SNX31: variants seen among roughly 807,000 people sequenced by gnomAD.
SNX31 encodes sorting nexin-31.
In SNX31, 58 loss-of-function variants were observed where a neutral mutation model predicts 65.4. The ratio of observed to expected loss-of-function variants is 0.89; its 90% confidence interval spans 0.72 to 1.10. The LOEUF (loss-of-function observed/expected upper bound fraction) is 1.10, where lower values mean the gene tolerates loss of function less well. Ranked by LOEUF, SNX31 falls within the 50% of genes least tolerant of loss-of-function variation. The pLI, the probability that SNX31 is intolerant of heterozygous loss-of-function variation, is 0.00. For synonymous variants in SNX31, 181 were observed against 190.1 expected (o/e 0.95, Z 0.39); for missense variants, 523 against 529.7 (o/e 0.99, Z 0.12).
At chr8:100,590,244 G>T (rs1254289610) in intron 10 of SNX31, among the ~76,000 whole-genome samples, 28 of 152,194 alleles carry the variant, frequency 1.8e-4, no homozygotes, top group Admixed American at 1.8e-3. Context: ...AAAGAAAAAA[G>T]ATATTTTTCC....
intron 8 of SNX31, among the ~76,000 whole-genome samples, chr8:100,602,524 C>T (rs1277347647): frequency 6.6e-6 from 1 of 152,148 alleles, no homozygotes; most frequent in Non-Finnish European, 1.5e-5. Context: ...ATATACATAC[C>T]TATGATAAAG....
At position 100,613,162 on chromosome 8, in the gene SNX31, G is replaced by A; in HGVS notation, c.433-77C>T. On this transcript the variant is annotated intron_variant, in intron 5 of 13. Transcript: ENST00000311812. This position sits in a 1 kb window ranked among gnomAD's most constrained non-coding sequence, Gnocchi z 5.2. Reference sequence around the variant, plus strand: ...ATCCTAACTGTGACATGCAGACTTGGAAATGGCCGGTACACATCAATAAAA... The same window carrying A: ...ATCCTAACTGTGACATGCAGACTTGAAAATGGCCGGTACACATCAATAAAA... 1.8e-6 allele frequency: 2 copies of A among 1,117,676 alleles called. No individual in the cohort carries two copies. Among genetic ancestry groups the A allele is most frequent in the East Asian group, 2.4e-5 (1 of 41,970 alleles). The allele number at this position is 1,117,676 out of a possible 1,614,324, so 69.2% of individuals were successfully genotyped here.
chr8:100,653,380 C>T (rs557294142), upstream of SNX31, among the ~76,000 whole-genome samples: 6 of 152,306 alleles, frequency 3.9e-5, no homozygotes, highest in East Asian at 9.6e-4. Context: ...GAAATAGGGT[C>T]TTGGCAGACA....
chr8:100,585,227 T>C (rs1463644358), intron 11 of SNX31, among the ~76,000 whole-genome samples: 1 of 152,214 alleles, frequency 6.6e-6, no homozygotes, highest in Non-Finnish European at 1.5e-5. Context: ...CATTTGCTCC[T>C]TTCCCACTTA....
intron 11 of SNX31, 69 bp from the exon 12 acceptor site, chr8:100,584,257 AC>A: frequency 7.8e-7 from 1 of 1,288,794 alleles, no homozygotes; most frequent in Non-Finnish European, 1.1e-6. Context: ...CCCTCCTCAC[AC>A]CACAAAGCGG....
At chr8:100,651,935 G>A (rs190264109), upstream of SNX31, among the ~76,000 whole-genome samples, 1 of 152,226 alleles carries the variant, frequency 6.6e-6, no homozygotes, top group Admixed American at 6.5e-5. Flanking sequence ...GGGTGCCTGG[G>A]GAAATCTGTA....
chr8:100,659,067 C>T (rs542767076), intron 1 of SNX31, among the ~76,000 whole-genome samples: 22 of 152,112 alleles, frequency 1.4e-4, no homozygotes, highest in Non-Finnish European at 2.2e-4. Context: ...GGGGGCTGGC[C>T]GGGCACAGGG....
intron 3 of SNX31, among the ~76,000 whole-genome samples, chr8:100,635,222 T>TTTTATTTATTTATTTATTTATTTATTTA (rs140014187): frequency 0.054 from 8,012 of 149,624 alleles, 267 homozygotes; most frequent in South Asian, 0.11. Context: ...ACCTCATCTC[T>TTTTATTTATTTATTTATTTATTTATTTA]TTTATTTATT....
At position 100,612,993 on chromosome 8, in the gene SNX31, A is replaced by G. The variant is rs779914770; in HGVS notation, c.523+2T>C. On this transcript the variant is annotated splice_donor_variant, in intron 6 of 13. Coordinates refer to ENST00000311812, the MANE Select transcript of SNX31 (RefSeq NM_152628.4). LOFTEE classifies it high-confidence loss of function. The surrounding 1 kb of genome is among the most constrained non-coding windows in gnomAD (Gnocchi z 4.3). Reference sequence around the variant, plus strand: ...CTGATTCATTTGTTCCTTCCTTCTTACCAGAGAGCTTGCCCTCCTTGCCAA... The same window carrying G: ...CTGATTCATTTGTTCCTTCCTTCTTGCCAGAGAGCTTGCCCTCCTTGCCAA... 6 of 1,613,352 alleles carry G rather than the reference A, an allele frequency of 3.7e-6. No homozygotes were observed. The highest frequency in any genetic ancestry group is 1.1e-5 in the South Asian group (1 of 91,066).
In SNX31 at chr8:100,629,346, C is replaced by T. The variant is rs182885533; in HGVS notation, c.321+981G>A. ...GGCTATTTGAATTTTACTATCATCA[C>T]CACTTCCACAGCAAACTTTTCAAAG... On this transcript the variant is annotated intron_variant, in intron 4 of 13. Transcript: ENST00000311812. This position sits in a 1 kb window ranked among gnomAD's most constrained non-coding sequence, Gnocchi z 5.1. 1.5e-3 allele frequency among the ~76,000 whole-genome samples: 233 copies of T among 152,262 alleles called. 1 individual carries two copies. The Middle Eastern group carries it at 0.027, about 18-fold the overall frequency.
At chr8:100,645,936 AATG>A (rs1819603821) in intron 2 of SNX31, among the ~76,000 whole-genome samples, 2 of 152,036 alleles carry the variant, frequency 1.3e-5, no homozygotes, top group Admixed American at 6.6e-5. Flanking sequence ...ATAAAATGAG[AATG>A]ATGATGATGA....
intron 1 of SNX31, among the ~76,000 whole-genome samples, chr8:100,659,346 T>G (rs1288913755): frequency 3.1e-5 from 2 of 65,402 alleles, no homozygotes; most frequent in Non-Finnish European, 5.2e-5. Flanking sequence ...AGAGCAAAAC[T>G]CCATCACAAA....
intron 2 of SNX31, among the ~76,000 whole-genome samples, chr8:100,645,606 ATTTTT>A (rs10598981): frequency 5.6e-5 from 6 of 106,714 alleles, no homozygotes; most frequent in African/African-American, 1.2e-4. Flanking sequence ...CAGACTCTTC[ATTTTT>A]TTTTTTTTTT....
intron 8 of SNX31, among the ~76,000 whole-genome samples, chr8:100,605,152 GC>G (rs149775820): frequency 0.082 from 12,408 of 152,128 alleles, 1,633 homozygotes; most frequent in African/African-American, 0.27. Context: ...ACCTGCCTTG[GC>G]CTCTCAAAGT....
chr8:100,624,887 A>C (rs1341002478), intron 4 of SNX31, among the ~76,000 whole-genome samples: 2 of 152,004 alleles, frequency 1.3e-5, no homozygotes, highest in Non-Finnish European at 2.9e-5. Context: ...CCGTAGCCTC[A>C]AAGCTCTGGG....
intron 13 of SNX31, among the ~76,000 whole-genome samples, chr8:100,574,338 A>G (rs975779963): frequency 1.3e-5 from 2 of 152,216 alleles, no homozygotes; most frequent in African/African-American, 4.8e-5. Flanking sequence ...CAAACTTTAA[A>G]AAAGAGGCTG....
In SNX31 at chr8:100,612,935, C is replaced by T. The variant is rs907987625; in HGVS notation, c.523+60G>A. The stretch of plus-strand genomic sequence containing the variant: ...GCCCCTCAGCTGTGACTCCTATGAG[C>T]CCCTGCTCACACCTGTCCACCCCAT... On this transcript the variant is annotated intron_variant, in intron 6 of 13. Coordinates refer to ENST00000311812, the MANE Select transcript of SNX31 (RefSeq NM_152628.4). The surrounding 1 kb of genome is among the most constrained non-coding windows in gnomAD (Gnocchi z 4.3). 55 of 1,440,502 alleles carry T rather than the reference C, an allele frequency of 3.8e-5. No homozygotes were observed. Among genetic ancestry groups the T allele is most frequent in the Non-Finnish European group, 4.5e-5 (46 of 1,022,594 alleles). 89.2% of individuals were successfully genotyped at this position (1,440,502 alleles called of 1,614,324 possible). A position where few individuals can be genotyped will look rare whatever the true frequency, so the allele number is the denominator to read the frequency against.
chr8:100,651,295 G>A (rs1394094764), upstream of SNX31, among the ~76,000 whole-genome samples: 2 of 152,200 alleles, frequency 1.3e-5, no homozygotes, highest in Non-Finnish European at 2.9e-5. Context: ...ACCAAGGCCA[G>A]GGGTATTCCT....
At chr8:100,621,159 A>G (rs1416952037) in intron 4 of SNX31, among the ~76,000 whole-genome samples, 2 of 152,032 alleles carry the variant, frequency 1.3e-5, no homozygotes, top group Non-Finnish European at 2.9e-5. Flanking sequence ...AACAAAAACC[A>G]AAAAATAACT....
Sources: allele counts gnomAD v4.1 joint callset (sites outside exome capture counted in the v4.1 genomes callset), GRCh38; gene constraint gnomAD v4.1.1; non-coding constraint Gnocchi (gnomAD v3.1); transcripts MANE v1.5; gene names NCBI Gene and HGNC (gene_info 2026-07-23, HGNC 2026-07-21).